Variants in DAB1 observed in about 807,000 individuals in gnomAD.
DAB1 encodes the protein DAB adaptor protein 1.
DAB1 carries 15 observed loss-of-function variants against 64.6 expected under a neutral mutation model. The ratio of observed to expected loss-of-function variants is 0.23; its 90% confidence interval spans 0.16 to 0.36. The LOEUF is 0.36. Ranked by LOEUF, DAB1 falls within the 10% of genes least tolerant of loss-of-function variation. The pLI, the probability that DAB1 is intolerant of heterozygous loss-of-function variation, is 1.00. For synonymous variants in DAB1, 235 were observed against 251.9 expected, an observed-to-expected ratio of 0.93 and a Z score of 0.64; for missense variants, 596 against 706.7, an observed-to-expected ratio of 0.84 and a Z score of 1.78.
In DAB1 at chr1:58,481,040, T is replaced by A. The variant is rs761654385; in HGVS notation, n.257+25020A>T. The A allele has an allele frequency of 5.7e-6, 5 of 872,042 alleles. 1 individual carries two copies. Among genetic ancestry groups the A allele is most frequent in the Middle Eastern group, 2.2e-4 (1 of 4,588 alleles). The allele number at this position is 872,042 out of a possible 1,614,324, so 54.0% of individuals were successfully genotyped here. ...GTTTTTGAATAGGAAGAGTATCCAT[T>A]TTCTGTTTCTTCGTGATATTTAGGT... On this transcript the variant is annotated intron_variant and non_coding_transcript_variant, in intron 3 of 20. Transcript: ENST00000485760.
chr1:58,059,965 G>A (rs1263935901), intron 5 of DAB1, among the ~76,000 whole-genome samples: 1 of 152,144 alleles, frequency 6.6e-6, no homozygotes, highest in Admixed American at 6.5e-5. Flanking sequence ...GGAGCTCCCG[G>A]GAAGGCAGCA....
intron 6 of DAB1, among the ~76,000 whole-genome samples, chr1:57,722,632 T>C (rs1378895457): frequency 1.3e-5 from 2 of 152,244 alleles, no homozygotes; most frequent in East Asian, 1.9e-4. Context: ...TCATGTCCAA[T>C]GTGATATAAT....
chr1:57,551,738 G>A (rs1323240337), intron 7 of DAB1, among the ~76,000 whole-genome samples: 1 of 152,192 alleles, frequency 6.6e-6, no homozygotes, highest in Non-Finnish European at 1.5e-5. Context: ...CCGGGAGTTT[G>A]CATAAGTGGT....
intron 7 of DAB1, among the ~76,000 whole-genome samples, chr1:57,564,639 C>G (rs1645095195): frequency 6.6e-6 from 1 of 152,180 alleles, no homozygotes; most frequent in Non-Finnish European, 1.5e-5. Flanking sequence ...GAAGCATGCA[C>G]AAGCTTCAGA....
At chr1:58,221,708 A>G (rs1659180949) in intron 4 of DAB1, among the ~76,000 whole-genome samples, 1 of 152,248 alleles carries the variant, frequency 6.6e-6, no homozygotes, top group African/African-American at 2.4e-5. Context: ...CATAGTGTGC[A>G]GGCAGGTGCC....
At chr1:58,517,437 G>C (rs1646175058) in intron 2 of DAB1, among the ~76,000 whole-genome samples, 1 of 152,102 alleles carries the variant, frequency 6.6e-6, no homozygotes, top group South Asian at 2.1e-4. Context: ...ATCTTCATCA[G>C]GATAATTACT....
chr1:57,363,474 G>A (rs769786477), intron 1 of DAB1, among the ~76,000 whole-genome samples: 143 of 151,744 alleles, frequency 9.4e-4, no homozygotes, highest in Non-Finnish European at 1.6e-3. Flanking sequence ...TGGGGAGCAG[G>A]TGGGCCAACT....
intron 6 of DAB1, among the ~76,000 whole-genome samples, chr1:57,804,522 G>T (rs1651275119): frequency 6.6e-6 from 1 of 152,166 alleles, no homozygotes; most frequent in African/African-American, 2.4e-5. Flanking sequence ...GCAGATACGT[G>T]ATTTCCCTCT....
chr1:57,247,401 C>A (rs1448519459), intron 2 of DAB1, among the ~76,000 whole-genome samples: 1 of 152,188 alleles, frequency 6.6e-6, no homozygotes, highest in Non-Finnish European at 1.5e-5. Flanking sequence ...CTCCTTCTGC[C>A]ATGACTGTAA....
At chr1:57,634,558 G>A (rs976098408) in intron 7 of DAB1, among the ~76,000 whole-genome samples, 1 of 152,162 alleles carries the variant, frequency 6.6e-6, no homozygotes, top group Non-Finnish European at 1.5e-5. Flanking sequence ...TTTTCCTAAC[G>A]TGTAAAAATA....
intron 2 of DAB1, among the ~76,000 whole-genome samples, chr1:57,210,089 T>A (rs760542692): frequency 1.3e-5 from 2 of 152,222 alleles, no homozygotes; most frequent in Non-Finnish European, 2.9e-5. Context: ...AGGATTATTA[T>A]GACAATTAAA....
intron 2 of DAB1, among the ~76,000 whole-genome samples, chr1:57,157,750 T>G (rs1233666542): frequency 3.3e-5 from 5 of 152,132 alleles, no homozygotes; most frequent in Admixed American, 6.5e-5. Context: ...ATATTAATAT[T>G]GGGGAGACAC....
chr1:58,102,149 G>A (rs1452642183), intron 5 of DAB1, among the ~76,000 whole-genome samples: 4 of 152,206 alleles, frequency 2.6e-5, no homozygotes, highest in African/African-American at 7.2e-5. Context: ...AGGCTACACC[G>A]ATAGTCAGGT....
intron 2 of DAB1, among the ~76,000 whole-genome samples, chr1:57,205,243 G>C (rs994514045): frequency 6.6e-6 from 1 of 152,162 alleles, no homozygotes; most frequent in Non-Finnish European, 1.5e-5. Context: ...AAAACATCTC[G>C]GGACATATGG....
At chr1:57,195,265 T>C (rs1664530671) in intron 2 of DAB1, among the ~76,000 whole-genome samples, 1 of 152,206 alleles carries the variant, frequency 6.6e-6, no homozygotes, top group South Asian at 2.1e-4. Flanking sequence ...TCAACATGAT[T>C]TCCTGTCCTC....
intron 4 of DAB1, among the ~76,000 whole-genome samples, chr1:58,294,865 C>CGTGTGTGTGTGTGTGTGTGTGT (rs55922554): frequency 1.5e-4 from 20 of 137,726 alleles, no homozygotes; most frequent in East Asian, 1.2e-3. Flanking sequence ...TGGTCCAGAA[C>CGTGTGTGTGTGTGTGTGTGTGT]GTGTGTGTGT....
intron 5 of DAB1, among the ~76,000 whole-genome samples, chr1:58,087,802 T>C (rs975967907): frequency 3.9e-5 from 6 of 152,244 alleles, no homozygotes; most frequent in African/African-American, 1.4e-4. Context: ...TAACGACATC[T>C]ATGGACATTT....
chr1:58,384,622 G>A (rs1023402216), intron 3 of DAB1, among the ~76,000 whole-genome samples: 2 of 152,168 alleles, frequency 1.3e-5, no homozygotes, highest in Non-Finnish European at 2.9e-5. Flanking sequence ...ACAAAAGGCT[G>A]TCTGTCTGCA....
At chr1:58,077,208 CAT>C (rs1366953228) in intron 5 of DAB1, among the ~76,000 whole-genome samples, 2 of 152,168 alleles carry the variant, frequency 1.3e-5, no homozygotes, top group Non-Finnish European at 2.9e-5. Context: ...CAAGTACACT[CAT>C]ATGCTAATCC....
Sources: allele counts gnomAD v4.1 joint callset (sites outside exome capture counted in the v4.1 genomes callset), GRCh38; gene constraint gnomAD v4.1.1; transcripts MANE v1.5; gene names NCBI Gene and HGNC (gene_info 2026-07-23, HGNC 2026-07-21).